The following KCTD9 variants were observed in gnomAD, a reference collection of about 807,000 sequenced individuals.
The protein encoded by KCTD9 is potassium channel tetramerization domain containing 9.
A neutral mutation model predicts 53.3 loss-of-function variants in KCTD9; 17 were observed. The ratio of observed to expected loss-of-function variants is 0.32; its 90% CI spans 0.22 to 0.48. The LOEUF (loss-of-function observed/expected upper bound fraction) is 0.48. KCTD9 is among the 20% of genes least tolerant of loss of function. KCTD9 has a pLI of 0.99. For missense variants in KCTD9, 179 were observed against 465.5 expected, an observed-to-expected ratio of 0.38 and a Z score of 5.66; for synonymous variants, 128 against 162.7, an observed-to-expected ratio of 0.79 and a Z score of 1.62.
intron 1 of KCTD9, chr8:25,450,492 G>A (rs1282809580): frequency 1.0e-6 from 1 of 972,592 alleles, no homozygotes; most frequent in Non-Finnish European, 1.2e-6. Context: ...CTGTCATTAG[G>A]GTAAAAAAAT....
At chr8:25,433,783 GAA>G (rs1211111641) in intron 9 of KCTD9, among the ~76,000 whole-genome samples, 2 of 152,186 alleles carry the variant, frequency 1.3e-5, no homozygotes, top group African/African-American at 4.8e-5. Context: ...GCATGACAAT[GAA>G]ACAGTCAAAA....
chr8:25,458,162 AC>A, intron 1 of KCTD9, 36 bp downstream of exon 1: 20 of 974,380 alleles, frequency 2.1e-5, no homozygotes, highest in East Asian at 3.6e-5. Flanking sequence ...CCTCGCCCCG[AC>A]CCCCGGCCCG....
Position 25,433,270 on chromosome 8 carries a change from GC to G in KCTD9, c.919+59del, listed in dbSNP as rs1801961289. On this transcript the variant is annotated intron_variant, in intron 10 of 11. Transcript: ENST00000221200. ...TCACCCTTAACAATTATTTTCCAGG[GC>G]TTTTTTCCTTTACAGTCTGCTTCCT... The G allele has an allele frequency of 4.5e-6, 4 of 893,088 alleles. No individual in the cohort carries two copies. The Admixed American group carries it at 9.1e-5, about 20-fold the overall frequency. 55.3% of individuals were successfully genotyped at this position (893,088 alleles called of 1,614,324 possible).
chr8:25,432,354 G>C (rs1347771910), intron 11 of KCTD9, 150 bp downstream of exon 11: 1 of 656,592 alleles, frequency 1.5e-6, no homozygotes, highest in Non-Finnish European at 2.6e-6. Flanking sequence ...AGGAAAAGGA[G>C]AGAAATGAAA....
intron 10 of KCTD9, 70 bp from the exon 11 acceptor site, chr8:25,432,707 G>A: frequency 1.4e-6 from 2 of 1,410,080 alleles, no homozygotes; most frequent in South Asian, 1.4e-5. Context: ...AGAACTGCAA[G>A]ATGACTTAAT....
chr8:25,444,928 C>G (rs1375238392), intron 2 of KCTD9, among the ~76,000 whole-genome samples: 7 of 152,162 alleles, frequency 4.6e-5, no homozygotes, highest in Non-Finnish European at 1.0e-4. Context: ...AAACAGATAT[C>G]TTATAGCTCA....
chr8:25,444,648 T>A (rs1407250227), intron 2 of KCTD9, among the ~76,000 whole-genome samples: 2 of 152,214 alleles, frequency 1.3e-5, no homozygotes, highest in Non-Finnish European at 2.9e-5. Flanking sequence ...AAAGGATAGA[T>A]TAAAGTCACA....
chr8:25,450,737 C>G (rs1239729471), intron 1 of KCTD9: 2 of 12,818 alleles, frequency 1.6e-4, no homozygotes, highest in African/African-American at 7.3e-4. Context: ...CGTGATCCAA[C>G]CGCCTCAGCC....
intron 2 of KCTD9, among the ~76,000 whole-genome samples, chr8:25,444,985 T>C (rs921533085): frequency 6.6e-6 from 1 of 152,164 alleles, no homozygotes; most frequent in Non-Finnish European, 1.5e-5. Context: ...TTATTTCCTA[T>C]AGGACATCAC....
At chr8:25,452,139 A>G (rs1010244616) in intron 1 of KCTD9, among the ~76,000 whole-genome samples, 4 of 152,148 alleles carry the variant, frequency 2.6e-5, no homozygotes, top group African/African-American at 4.8e-5. Context: ...ACAGAACTCA[A>G]TTTTCTCTAC....
intron 11 of KCTD9, among the ~76,000 whole-genome samples, chr8:25,430,535 C>T (rs1211049442): frequency 6.6e-6 from 1 of 152,194 alleles, no homozygotes; most frequent in East Asian, 1.9e-4. Context: ...CTGTCTCCAA[C>T]ACCCCCAGAT....
At chr8:25,455,634 C>A (rs1802418463) in intron 1 of KCTD9, among the ~76,000 whole-genome samples, 1 of 152,154 alleles carries the variant, frequency 6.6e-6, no homozygotes, top group African/African-American at 2.4e-5. Flanking sequence ...TTGAAGTAAT[C>A]CTTTAAGATC....
chr8:25,437,061 G>T (rs902704840), intron 6 of KCTD9, among the ~76,000 whole-genome samples: 2 of 152,176 alleles, frequency 1.3e-5, no homozygotes, highest in African/African-American at 4.8e-5. Flanking sequence ...TATTTGGGAA[G>T]AATAATACAA....
At chr8:25,448,349 A>C (rs1239616119) in intron 1 of KCTD9, among the ~76,000 whole-genome samples, 1 of 152,160 alleles carries the variant, frequency 6.6e-6, no homozygotes, top group African/African-American at 2.4e-5. Flanking sequence ...ATTCATAGAG[A>C]AAGAAAGCAG....
At chr8:25,434,148 G>A (rs1801977703) in intron 9 of KCTD9, among the ~76,000 whole-genome samples, 1 of 152,158 alleles carries the variant, frequency 6.6e-6, no homozygotes, top group Non-Finnish European at 1.5e-5. Flanking sequence ...CACCCAGGAT[G>A]GAGTGCAGTG....
At chr8:25,457,404 T>C in intron 1 of KCTD9, 5 of 984,244 alleles carry the variant, frequency 5.1e-6, no homozygotes, top group Non-Finnish European at 6.0e-6. Context: ...ACAACTTTCA[T>C]GGGTGGGGCA....
chr8:25,439,683 A>T lies in KCTD9; in HGVS notation c.312-19T>A. 1 of 1,613,516 alleles carries T rather than the reference A, an allele frequency of 6.2e-7. No individual in the cohort carries two copies. The highest frequency in any genetic ancestry group is 8.5e-7 in the Non-Finnish European group (1 of 1,179,904). On this transcript the variant is annotated intron_variant, in intron 4 of 11. Coordinates refer to ENST00000221200, the MANE Select transcript of KCTD9 (RefSeq NM_017634.4). ...AGTGCTCCTAAGAATTCAGGGAAAA[A>T]AATTGATTTCTCCATTTGTCTTTAT...
intron 1 of KCTD9, among the ~76,000 whole-genome samples, chr8:25,450,110 G>C (rs946737880): frequency 2.6e-5 from 4 of 152,146 alleles, no homozygotes; most frequent in African/African-American, 9.7e-5. Context: ...GCACAGTCTA[G>C]GTATAAATTG....
At chr8:25,437,254 A>G (rs182819331) in intron 6 of KCTD9, among the ~76,000 whole-genome samples, 4 of 152,164 alleles carry the variant, frequency 2.6e-5, no homozygotes, top group African/African-American at 7.2e-5. Flanking sequence ...CATATTATAA[A>G]AGAGGTTCTT....
Sources: gnomAD v4.1 joint callset for allele counts (sites outside exome capture counted in the v4.1 genomes callset) on GRCh38, gnomAD v4.1.1 for gene constraint, MANE v1.5 for transcripts, NCBI Gene and HGNC (gene_info 2026-07-23, HGNC 2026-07-21) for gene names.